Variants in AAMDC observed in about 807,000 individuals in gnomAD.
AAMDC encodes the protein mth938 domain-containing protein.
In AAMDC, 16 loss-of-function variants were observed where a neutral mutation model predicts 15.5. That is an observed-to-expected ratio of 1.03 (90% confidence interval 0.70 to 1.57). The LOEUF is 1.57. Ranked by LOEUF, AAMDC falls within the 40% of genes most tolerant of loss-of-function variation. AAMDC has a pLI of 0.00. For missense variants in AAMDC, 141 were observed against 144.9 expected, an observed-to-expected ratio of 0.97 and a Z score of 0.14; for synonymous variants, 51 against 51.6, an observed-to-expected ratio of 0.99 and a Z score of 0.05.
chr11:77,889,046 A>G (rs533189650), intron 5 of AAMDC, among the ~76,000 whole-genome samples: 5 of 152,172 alleles, frequency 3.3e-5, no homozygotes, highest in Non-Finnish European at 7.3e-5. Context: ...AACTAGAAAT[A>G]CCATTTGACC....
intron 3 of AAMDC, among the ~76,000 whole-genome samples, chr11:77,871,831 G>T (rs573474674): frequency 6.6e-6 from 1 of 152,268 alleles, no homozygotes; most frequent in South Asian, 2.1e-4. Flanking sequence ...AGGTGTTAAT[G>T]TCCCTAATTT....
At chr11:77,831,707 T>C (rs1386241224) in intron 1 of AAMDC, among the ~76,000 whole-genome samples, 1 of 151,012 alleles carries the variant, frequency 6.6e-6, no homozygotes, top group Non-Finnish European at 1.5e-5. Context: ...TTTTTTTTTT[T>C]TTTTCTGAGA....
intron 5 of AAMDC, among the ~76,000 whole-genome samples, chr11:77,893,878 G>A (rs1952387597): frequency 9.3e-6 from 1 of 107,722 alleles, no homozygotes. Flanking sequence ...GGGTGACAGA[G>A]CAAGACTCTG....
chr11:77,867,503 C>G (rs950497034), intron 2 of AAMDC, among the ~76,000 whole-genome samples: 1 of 152,208 alleles, frequency 6.6e-6, no homozygotes, highest in African/African-American at 2.4e-5. Flanking sequence ...TTTGGTTCAT[C>G]TCAGTATTGC....
At chr11:77,840,344 C>T (rs1949876448) in intron 1 of AAMDC, among the ~76,000 whole-genome samples, 1 of 152,014 alleles carries the variant, frequency 6.6e-6, no homozygotes, top group African/African-American at 2.4e-5. Context: ...GCCTGGCCAA[C>T]ATAGTGAAAC....
chr11:77,850,115 C>T (rs1950312128), intron 2 of AAMDC, among the ~76,000 whole-genome samples: 1 of 152,164 alleles, frequency 6.6e-6, no homozygotes, highest in Admixed American at 6.5e-5. Context: ...CTGTTTTTAT[C>T]CTTTTTAACA....
At chr11:77,885,974 G>A (rs1565222715) in intron 5 of AAMDC, among the ~76,000 whole-genome samples, 1 of 152,164 alleles carries the variant, frequency 6.6e-6, no homozygotes, top group Non-Finnish European at 1.5e-5. Context: ...GCTGAGGCGG[G>A]AGGATTGCTT....
chr11:77,855,736 T>TC (rs1950592566), intron 2 of AAMDC, among the ~76,000 whole-genome samples: 1 of 150,744 alleles, frequency 6.6e-6, no homozygotes, highest in Non-Finnish European at 1.5e-5. Flanking sequence ...TTTTTTTTTT[T>TC]TGCTCAAGAA....
At chr11:77,852,592 A>AAG (rs1487311848) in intron 2 of AAMDC, among the ~76,000 whole-genome samples, 1 of 152,152 alleles carries the variant, frequency 6.6e-6, no homozygotes, top group African/African-American at 2.4e-5. Flanking sequence ...CACAAATCCA[A>AAG]ACCATATCAT....
intron 2 of AAMDC, among the ~76,000 whole-genome samples, chr11:77,867,838 T>C (rs1257238052): frequency 1.3e-5 from 2 of 152,172 alleles, no homozygotes; most frequent in Admixed American, 6.5e-5. Context: ...TTCAGAGTGA[T>C]TGGTAGGTTT....
intron 1 of AAMDC, among the ~76,000 whole-genome samples, chr11:77,821,735 G>A (rs1365871648): frequency 2.0e-5 from 3 of 152,068 alleles, no homozygotes; most frequent in Non-Finnish European, 4.4e-5. Context: ...GCGGGGCGGG[G>A]GCAGTGAACA....
In AAMDC at chr11:77,834,079, C is replaced by T. The variant is rs184837728; in HGVS notation, c.-18-8400C>T. 1.8e-3 allele frequency among the ~76,000 whole-genome samples: 281 copies of T among 152,316 alleles called. 4 individuals are homozygous for T. The highest frequency in any genetic ancestry group is 0.013 in the Admixed American group (204 of 15,296). ...GCAGAAAAAGTGTCCCATTATATGT[C>T]TGTTTTTTATGGTGCTTTAAATCTT... On this transcript the variant is annotated intron_variant, in intron 1 of 3. Transcript: ENST00000393427.
At chr11:77,829,593 T>C (rs1273089514) in intron 1 of AAMDC, 1 of 152,224 alleles carries the variant, frequency 6.6e-6, no homozygotes, top group African/African-American at 2.4e-5. Context: ...ATTCATTCCA[T>C]ATAAATAATT....
At chr11:77,837,511 G>C (rs1949739442) in intron 1 of AAMDC, among the ~76,000 whole-genome samples, 1 of 152,066 alleles carries the variant, frequency 6.6e-6, no homozygotes, top group African/African-American at 2.4e-5. Flanking sequence ...CTGGAGTGCA[G>C]TGGTGCGATC....
At chr11:77,861,633 C>T (rs764756586) in intron 2 of AAMDC, among the ~76,000 whole-genome samples, 1 of 152,238 alleles carries the variant, frequency 6.6e-6, no homozygotes, top group East Asian at 1.9e-4. Flanking sequence ...CGGGCATGGA[C>T]GAGGGGGCGG....
At chr11:77,904,827 A>ATAGTTGCATCATGT (rs1390556705), downstream of AAMDC, among the ~76,000 whole-genome samples, 1 of 152,164 alleles carries the variant, frequency 6.6e-6, no homozygotes, top group East Asian at 1.9e-4. Context: ...TGTATGCAGG[A>ATAGTTGCATCATGT]TAGTTGCATC....
downstream of AAMDC, among the ~76,000 whole-genome samples, chr11:77,874,011 C>A (rs929999036): frequency 6.6e-6 from 1 of 152,180 alleles, no homozygotes; most frequent in Non-Finnish European, 1.5e-5. Flanking sequence ...ATAGACTGGA[C>A]AGCAACTTAA....
At chr11:77,854,853 G>T (rs145884347) in intron 2 of AAMDC, among the ~76,000 whole-genome samples, 228 of 152,316 alleles carry the variant, frequency 1.5e-3, no homozygotes, top group Non-Finnish European at 2.0e-3. Context: ...CTATTGTAGA[G>T]GTTTTCCATG....
chr11:77,886,631 G>A (rs1420324310), intron 5 of AAMDC, among the ~76,000 whole-genome samples: 3 of 152,076 alleles, frequency 2.0e-5, no homozygotes, highest in Admixed American at 2.0e-4. Flanking sequence ...ACTATCCAGC[G>A]AAACCACAGC....
Sources: allele counts gnomAD v4.1 joint callset (sites outside exome capture counted in the v4.1 genomes callset), GRCh38; gene constraint gnomAD v4.1.1; transcripts MANE v1.5; gene names NCBI Gene and HGNC (gene_info 2026-07-23, HGNC 2026-07-21).